The following ARHGAP15 variants were observed in gnomAD, a reference collection of about 807,000 sequenced individuals.
ARHGAP15 encodes rho GTPase-activating protein 15.
Under a neutral mutation model 63.7 loss-of-function variants are expected in ARHGAP15, and 51 were observed. The observed-to-expected ratio is 0.80, with a 90% CI of 0.64 to 1.01. The LOEUF (loss-of-function observed/expected upper bound fraction) is 1.01, where lower values mean the gene tolerates loss of function less well. Among genes scored for constraint, ARHGAP15 ranks in the 50% least tolerant of loss-of-function variants. The pLI is 0.00. For synonymous variants in ARHGAP15, 191 were observed against 193.8 expected (o/e 0.99, Z 0.12); for missense variants, 560 against 564.6 (o/e 0.99, Z 0.08).
intron 8 of ARHGAP15, among the ~76,000 whole-genome samples, chr2:143,452,662 T>G (rs1449006861): frequency 6.6e-6 from 1 of 151,046 alleles, no homozygotes; most frequent in African/African-American, 2.4e-5. Context: ...TTTGGATTTT[T>G]TTTTTTTTTT....
In ARHGAP15 at chr2:143,629,941, T is replaced by C. The variant is rs199928619; in HGVS notation, c.1138+5674T>C. Reference sequence around the variant, plus strand: ...TGCACATAGCTCAAAAAACTAGACTTGGCATTCAAATACAAATATAAATAC... The same window carrying C: ...TGCACATAGCTCAAAAAACTAGACTCGGCATTCAAATACAAATATAAATAC... On this transcript the variant is annotated intron_variant, in intron 12 of 13. Coordinates refer to ENST00000295095, the MANE Select transcript of ARHGAP15 (RefSeq NM_018460.4). Among the ~76,000 whole-genome samples, 13 of 152,312 alleles carry C rather than the reference T, an allele frequency of 8.5e-5. No homozygotes were observed. In the East Asian group the frequency reaches 2.5e-3, roughly 29 times the overall value.
intron 12 of ARHGAP15, among the ~76,000 whole-genome samples, chr2:143,668,448 G>A (rs555185210): frequency 3.7e-4 from 56 of 152,138 alleles, no homozygotes; most frequent in Non-Finnish European, 7.4e-4. Context: ...AGATGACATC[G>A]TCAATTGTGG....
intron 4 of ARHGAP15, 126 bp downstream of exon 4, chr2:143,216,571 C>T: frequency 1.6e-6 from 1 of 623,708 alleles, no homozygotes; most frequent in Non-Finnish European, 2.8e-6. Context: ...TCCTCTGCTA[C>T]TGCTATGATC....
At chr2:143,435,837 G>A (rs1689590388) in intron 7 of ARHGAP15, 138 bp downstream of exon 7, 1 of 887,018 alleles carries the variant, frequency 1.1e-6, no homozygotes, top group East Asian at 3.3e-5. Flanking sequence ...AGTTTAAATA[G>A]AATCTACTAA....
intron 6 of ARHGAP15, among the ~76,000 whole-genome samples, chr2:143,415,804 AT>A (rs1285266237): frequency 6.6e-5 from 10 of 152,210 alleles, no homozygotes; most frequent in Non-Finnish European, 1.3e-4. Flanking sequence ...ATAAAAATGA[AT>A]GAATTAATGG....
intron 6 of ARHGAP15, among the ~76,000 whole-genome samples, chr2:143,392,286 A>G (rs1304181775): frequency 6.6e-6 from 1 of 152,204 alleles, no homozygotes; most frequent in Non-Finnish European, 1.5e-5. Context: ...GTAAATAAGT[A>G]TATAATAGAA....
chr2:143,449,899 T>G (rs992991737), intron 8 of ARHGAP15, among the ~76,000 whole-genome samples: 3 of 151,974 alleles, frequency 2.0e-5, no homozygotes, highest in African/African-American at 7.2e-5. Flanking sequence ...CTCATAAATT[T>G]GCCCCTAAAA....
chr2:143,639,273 C>A (rs753862205), intron 12 of ARHGAP15, among the ~76,000 whole-genome samples: 1 of 152,086 alleles, frequency 6.6e-6, no homozygotes, highest in Non-Finnish European at 1.5e-5. Flanking sequence ...TACTCAAAAC[C>A]TCATTGTTTA....
At chr2:143,590,074 A>G (rs920806838) in intron 11 of ARHGAP15, among the ~76,000 whole-genome samples, 1 of 152,148 alleles carries the variant, frequency 6.6e-6, no homozygotes, top group Non-Finnish European at 1.5e-5. Context: ...TGAAGCAGTC[A>G]CTGCTTTCTA....
intron 10 of ARHGAP15, among the ~76,000 whole-genome samples, chr2:143,543,393 G>A (rs1695189179): frequency 6.6e-6 from 1 of 151,884 alleles, no homozygotes; most frequent in African/African-American, 2.4e-5. Context: ...CTTGGGCTCA[G>A]GTTGTTTTTT....
At chr2:143,265,224 T>C (rs1286571394) in intron 6 of ARHGAP15, among the ~76,000 whole-genome samples, 2 of 90,980 alleles carry the variant, frequency 2.2e-5, no homozygotes, top group South Asian at 4.8e-4. Context: ...ATCTGTGATT[T>C]TTTTTTTTTT....
chr2:143,460,597 C>T (rs1336542513), intron 8 of ARHGAP15, among the ~76,000 whole-genome samples: 1 of 152,102 alleles, frequency 6.6e-6, no homozygotes, highest in Non-Finnish European at 1.5e-5. Context: ...TGGTTTATTG[C>T]TTGATATGTA....
At chr2:143,316,733 C>T (rs1157581648) in intron 6 of ARHGAP15, among the ~76,000 whole-genome samples, 2 of 151,754 alleles carry the variant, frequency 1.3e-5, no homozygotes, top group Admixed American at 1.3e-4. Context: ...TATGTAATCT[C>T]ACTATAAGTA....
At chr2:143,485,815 A>T (rs1234413902) in intron 8 of ARHGAP15, among the ~76,000 whole-genome samples, 1 of 151,888 alleles carries the variant, frequency 6.6e-6, no homozygotes, top group Admixed American at 6.5e-5. Flanking sequence ...AATACTTTAA[A>T]GTAATATAAA....
intron 6 of ARHGAP15, among the ~76,000 whole-genome samples, chr2:143,285,857 G>A (rs1398912496): frequency 1.3e-5 from 2 of 152,064 alleles, no homozygotes; most frequent in Non-Finnish European, 2.9e-5. Flanking sequence ...TTTGAACAAG[G>A]CTTAAGTTAT....
chr2:143,395,114 TAATAA>T (rs1183295477), intron 6 of ARHGAP15, among the ~76,000 whole-genome samples: 1 of 152,122 alleles, frequency 6.6e-6, no homozygotes, highest in East Asian at 1.9e-4. Context: ...GTGAATAATA[TAATAA>T]TTTTAAAAAT....
chr2:143,428,139 A>G (rs1188561010), intron 6 of ARHGAP15, among the ~76,000 whole-genome samples: 1 of 152,080 alleles, frequency 6.6e-6, no homozygotes, highest in African/African-American at 2.4e-5. Flanking sequence ...ACTTGGGGGA[A>G]TATCTATTTC....
At chr2:143,535,062 A>G (rs1694692568) in intron 10 of ARHGAP15, among the ~76,000 whole-genome samples, 2 of 152,276 alleles carry the variant, frequency 1.3e-5, no homozygotes, top group South Asian at 4.1e-4. Context: ...AAATTATGTT[A>G]AAATAAATTG....
chr2:143,413,962 T>TGC (rs1337258046), intron 6 of ARHGAP15, among the ~76,000 whole-genome samples: 2 of 59,580 alleles, frequency 3.4e-5, no homozygotes, highest in South Asian at 6.6e-4. Flanking sequence ...TGTGTGTGTG[T>TGC]GTGTGCGCGC....
Sources: allele counts gnomAD v4.1 joint callset (sites outside exome capture counted in the v4.1 genomes callset), GRCh38; gene constraint gnomAD v4.1.1; transcripts MANE v1.5; gene names NCBI Gene and HGNC (gene_info 2026-07-23, HGNC 2026-07-21).